Variants in NLRC5 observed in about 807,000 individuals in gnomAD.
NLRC5 encodes the protein NLR family CARD domain containing 5.
In NLRC5, 114 loss-of-function variants were observed where a neutral mutation model predicts 206.9. The observed-to-expected ratio is 0.55, with a 90% CI of 0.47 to 0.64. The LOEUF is 0.64. NLRC5 is among the 30% of genes least tolerant of loss of function. The pLI is 0.00. For synonymous variants in NLRC5, 952 were observed against 962.8 expected (o/e 0.99, Z 0.21); for missense variants, 2,008 against 2,305.5 (o/e 0.87, Z 2.64).
At chr16:57,024,959 A>G (rs1313100455) in intron 5 of NLRC5, among the ~76,000 whole-genome samples, 1 of 152,164 alleles carries the variant, frequency 6.6e-6, no homozygotes, top group Non-Finnish European at 1.5e-5. Flanking sequence ...ACAGTAAGCT[A>G]GGATCGTGCC....
At chr16:57,043,380 C>T in intron 19 of NLRC5, 135 bp from the exon 20 acceptor site, 1 of 758,072 alleles carries the variant, frequency 1.3e-6, no homozygotes, top group Non-Finnish European at 2.4e-6. Flanking sequence ...GCAAGGGGTG[C>T]TCTCTGACCA....
At chr16:57,042,113 G>T in intron 19 of NLRC5, 48 bp downstream of exon 19, 1 of 1,228,646 alleles carries the variant, frequency 8.1e-7, no homozygotes, top group Non-Finnish European at 1.1e-6. Context: ...CAGGGGGGGA[G>T]CATTCTCTGT....
At chr16:57,052,330 C>T (rs767441008) in intron 24 of NLRC5, among the ~76,000 whole-genome samples, 19 of 151,788 alleles carry the variant, frequency 1.3e-4, no homozygotes, top group Non-Finnish European at 2.1e-4. Flanking sequence ...AAAATTAGCC[C>T]GGTGTGGTGG....
chr16:56,998,799 A>G (rs2057928322), intron 1 of NLRC5, among the ~76,000 whole-genome samples: 1 of 152,212 alleles, frequency 6.6e-6, no homozygotes, highest in Non-Finnish European at 1.5e-5. Flanking sequence ...CACGTCAACA[A>G]AAAATAAGTC....
intron 2 of NLRC5, among the ~76,000 whole-genome samples, 158 bp downstream of exon 2, chr16:57,017,346 G>A (rs2060199693): frequency 1.3e-5 from 2 of 152,198 alleles, no homozygotes; most frequent in South Asian, 2.1e-4. Flanking sequence ...GCATGAGAAT[G>A]TAATGATCAG....
In NLRC5 at chr16:57,040,740, C is replaced by T. The variant is rs1316714441; in HGVS notation, c.2939+22C>T. ...TGAGGTACAGTGATGGCCTCCAGCC[C>T]TGTGTGTGATTCCAGCCCCCTCCCT... On this transcript the variant is annotated intron_variant, in intron 17 of 48. Coordinates refer to ENST00000688547, the MANE Select transcript of NLRC5 (RefSeq NM_001384950.1). 4.3e-6 allele frequency: 7 copies of T among 1,611,816 alleles called. No individual in the cohort carries two copies. In the South Asian group the frequency reaches 7.7e-5, roughly 18 times the overall value.
At chr16:57,049,345 G>T (rs2144126909) in intron 23 of NLRC5, among the ~76,000 whole-genome samples, 1 of 152,294 alleles carries the variant, frequency 6.6e-6, no homozygotes, top group Non-Finnish European at 1.5e-5. Context: ...AGTACCTATT[G>T]TATACCATGC....
At chr16:57,040,281 G>A (rs1234514452) in intron 16 of NLRC5, among the ~76,000 whole-genome samples, 4 of 152,170 alleles carry the variant, frequency 2.6e-5, no homozygotes, top group East Asian at 1.9e-4. Context: ...CTTTGCTCCC[G>A]GAGCCCACCC....
intron 1 of NLRC5, among the ~76,000 whole-genome samples, chr16:56,996,333 A>G (rs2057609472): frequency 1.3e-5 from 2 of 152,154 alleles, no homozygotes; most frequent in African/African-American, 4.8e-5. Flanking sequence ...GCGCACCACC[A>G]CACCTGGCTA....
chr16:57,051,400 C>A, intron 23 of NLRC5, 138 bp from the exon 24 acceptor site: 2 of 702,384 alleles, frequency 2.8e-6, no homozygotes, highest in Non-Finnish European at 2.6e-6. Context: ...CACGGATAAC[C>A]CATGGACCCA....
At chr16:57,062,167 G>T in intron 32 of NLRC5, 4 of 702,810 alleles carry the variant, frequency 5.7e-6, no homozygotes, top group Non-Finnish European at 6.6e-6. Flanking sequence ...AGCTGAAGCG[G>T]TTTCAAGTAA....
In NLRC5 at chr16:57,036,195, A is replaced by G; in HGVS notation, c.2711+12A>G. On this transcript the variant is annotated intron_variant, in intron 14 of 48. Transcript: ENST00000688547. ...GCCAGGAAGCTGGAGTGAGTTGTCC[A>G]CCCCACCGCTGGGTACCAGGGAAGG... 1 of 1,611,420 alleles carries G rather than the reference A, an allele frequency of 6.2e-7. No homozygotes were observed. Among genetic ancestry groups the G allele is most frequent in the Non-Finnish European group, 8.5e-7 (1 of 1,179,280 alleles).
chr16:57,061,339 C>T (rs2066449838), intron 30 of NLRC5, 109 bp from the exon 31 acceptor site: 1 of 1,079,290 alleles, frequency 9.3e-7, no homozygotes. Context: ...AGGCCTTTGC[C>T]CTCAGAGGTG....
intron 22 of NLRC5, 23 bp from the exon 23 acceptor site, chr16:57,047,522 C>T (rs2064158624): frequency 1.9e-6 from 3 of 1,600,738 alleles, no homozygotes; most frequent in Non-Finnish European, 2.6e-6. Flanking sequence ...TGATTCCCTG[C>T]CCTGCCCATT....
At position 57,079,728 on chromosome 16, in the gene NLRC5, C is replaced by T. The variant is rs562892239; in HGVS notation, c.5321+99C>T. The T allele has an allele frequency of 6.0e-5, 54 of 902,598 alleles. No individual in the cohort carries two copies. The African/African-American group carries it at 8.2e-4, about 14-fold the overall frequency. The allele number at this position is 902,598 out of a possible 1,614,324, so 55.9% of individuals were successfully genotyped here. A position where few individuals can be genotyped will look rare whatever the true frequency, so the allele number is the denominator to read the frequency against. ...CCTGCTGTGTGGCCTGGAGCTGCTC[C>T]CATCCTCTCTGGCCAGTCCTCCCAT... is the stretch of plus-strand genomic sequence containing the variant. On this transcript the variant is annotated intron_variant, in intron 46 of 48. Transcript: ENST00000688547.
At chr16:57,058,836 C>T (rs767933004) in intron 28 of NLRC5, 136 bp from the exon 29 acceptor site, 15 of 771,170 alleles carry the variant, frequency 1.9e-5, no homozygotes, top group African/African-American at 1.5e-4. Context: ...TCAGTGTGTC[C>T]ATCTGGAGAA....
chr16:57,026,069 G>A lies in NLRC5; in HGVS notation c.1126G>A (p.Val376Met). 1 of 1,614,094 alleles carries A rather than the reference G, an allele frequency of 6.2e-7. No individual in the cohort carries two copies. The highest frequency in any genetic ancestry group is 1.1e-5 in the South Asian group (1 of 91,088). ...GFDGPRVEEYVNHFFSAQPSR... is the reference protein window; with the variant it reads ...GFDGPRVEEYMNHFFSAQPSR... ...TGATGGGCCACGGGTGGAAGAATATGTGAATCACTTCTTCAGCGCCCAGCC... is the reference window on the plus strand; with the variant it reads ...TGATGGGCCACGGGTGGAAGAATATATGAATCACTTCTTCAGCGCCCAGCC... Residue 376 changes from valine to methionine, a missense_variant, in exon 6 of 49, where the codon GTG becomes ATG. Transcript: ENST00000688547.
At chr16:57,031,564 G>A (rs552935621) in intron 11 of NLRC5, 101 bp downstream of exon 11, 5 of 1,126,230 alleles carry the variant, frequency 4.4e-6, no homozygotes, top group Middle Eastern at 2.7e-4. Flanking sequence ...AAGAGCTGGG[G>A]TATGGGAATT....
chr16:57,068,626 A>T (rs2144842546), intron 36 of NLRC5, among the ~76,000 whole-genome samples: 1 of 152,322 alleles, frequency 6.6e-6, no homozygotes. Context: ...AGAAATAAGG[A>T]CATTCTCTTC....
Sources: gnomAD v4.1 joint callset for allele counts (sites outside exome capture counted in the v4.1 genomes callset) on GRCh38, gnomAD v4.1.1 for gene constraint, MANE v1.5 for transcripts, NCBI Gene and HGNC (gene_info 2026-07-23, HGNC 2026-07-21) for gene names.